Variants in PLXNA4 observed in about 807,000 individuals in gnomAD.
PLXNA4 encodes the protein plexin-A4.
PLXNA4 carries 44 observed loss-of-function variants against 191.8 expected under a neutral mutation model. That is an observed-to-expected ratio of 0.23 (90% CI 0.18 to 0.29). The LOEUF (loss-of-function observed/expected upper bound fraction) is 0.29. Among genes scored for constraint, PLXNA4 ranks in the 10% least tolerant of loss-of-function variants. The probability of loss-of-function intolerance (pLI) is 1.00; values close to 1 mark genes in which losing one functional copy is unlikely to be tolerated. For missense variants in PLXNA4, 1,800 were observed against 2,488.8 expected, an observed-to-expected ratio of 0.72 and a Z score of 5.89; for synonymous variants, 1,082 against 1,009.5, an observed-to-expected ratio of 1.07 and a Z score of -1.36.
chr7:132,263,144 C>T (rs1799714865), intron 4 of PLXNA4, among the ~76,000 whole-genome samples: 1 of 152,144 alleles, frequency 6.6e-6, no homozygotes, highest in Non-Finnish European at 1.5e-5. Context: ...GAGCTTCTCC[C>T]CTGGGTATCC....
intron 1 of PLXNA4, among the ~76,000 whole-genome samples, chr7:132,513,348 A>G (rs1010995338): frequency 1.3e-5 from 2 of 152,250 alleles, no homozygotes; most frequent in African/African-American, 4.8e-5. Context: ...TTTCTTGTTC[A>G]TGACAACCCT....
At chr7:132,547,478 A>G (rs760688165) in intron 1 of PLXNA4, among the ~76,000 whole-genome samples, 10 of 152,160 alleles carry the variant, frequency 6.6e-5, no homozygotes, top group Non-Finnish European at 1.3e-4. Context: ...ATGTGGTTGC[A>G]CCCATTTCTT....
chr7:132,612,430 G>A (rs1293112609), intron 2 of PLXNA4, among the ~76,000 whole-genome samples: 2 of 152,116 alleles, frequency 1.3e-5, no homozygotes, highest in Non-Finnish European at 2.9e-5. Context: ...GGAGACTGAG[G>A]TGGGCAGATC....
intron 3 of PLXNA4, among the ~76,000 whole-genome samples, chr7:132,470,271 C>A (rs28493804): frequency 0.11 from 16,337 of 152,164 alleles, 1,153 homozygotes; most frequent in Admixed American, 0.18. Flanking sequence ...CAAGGGGGGG[C>A]CTGTCCTCAC....
chr7:132,611,384 G>A (rs1803043876), intron 2 of PLXNA4, among the ~76,000 whole-genome samples: 1 of 152,164 alleles, frequency 6.6e-6, no homozygotes, highest in African/African-American at 2.4e-5. Context: ...TCCAGCCTTT[G>A]GCAAACATAT....
intron 27 of PLXNA4, among the ~76,000 whole-genome samples, chr7:132,147,125 C>A (rs1341139058): frequency 2.0e-5 from 3 of 152,202 alleles, no homozygotes. Context: ...TGAGTAATCA[C>A]TGGGTAACCT....
intron 3 of PLXNA4, among the ~76,000 whole-genome samples, chr7:132,335,561 T>C (rs988709887): frequency 1.3e-5 from 2 of 152,200 alleles, no homozygotes; most frequent in Non-Finnish European, 2.9e-5. Flanking sequence ...GCACCGGCCT[T>C]TTTAGCTTTA....
intron 3 of PLXNA4, among the ~76,000 whole-genome samples, chr7:132,474,690 T>C (rs1033772405): frequency 1.3e-5 from 2 of 152,146 alleles, no homozygotes; most frequent in Non-Finnish European, 2.9e-5. Flanking sequence ...GGTTAGTGCA[T>C]CTATTTGGAG....
rs1447115582 is a variant in PLXNA4 at position 132,126,121 on chromosome 7, C to G, written c.*4358G>C. ...GAAGACAGATGGAAATTGAGCTTTT[C>G]TTTTTAGGTCACAGAGGGTGGTGCT... On this transcript the variant is annotated 3_prime_UTR_variant, in exon 32 of 32. Coordinates refer to ENST00000321063, the MANE Select transcript of PLXNA4 (RefSeq NM_020911.2). 6.6e-6 allele frequency: 1 copy of G among 152,368 alleles called. No homozygotes were observed. The highest frequency in any genetic ancestry group is 1.5e-5 in the Non-Finnish European group (1 of 68,226). The allele number at this position is 152,368 out of a possible 1,614,324, so 9.4% of individuals were successfully genotyped here.
intron 4 of PLXNA4, among the ~76,000 whole-genome samples, chr7:132,270,611 T>C (rs779785758): frequency 9.9e-5 from 15 of 152,232 alleles, no homozygotes; most frequent in Non-Finnish European, 2.1e-4. Flanking sequence ...AGTATTTTAA[T>C]TGCAATACCT....
intron 3 of PLXNA4, among the ~76,000 whole-genome samples, chr7:132,365,360 T>TGTGTGTGTGTGTGCGCGCGC: frequency 2.4e-4 from 31 of 128,824 alleles, no homozygotes; most frequent in East Asian, 1.3e-3. Flanking sequence ...TGTGTGTGTG[T>TGTGTGTGTGTGTGCGCGCGC]GCGTGCGCGC....
chr7:132,170,960 G>A (rs1479331910), intron 21 of PLXNA4, among the ~76,000 whole-genome samples: 5 of 152,272 alleles, frequency 3.3e-5, no homozygotes, highest in East Asian at 1.9e-4. Context: ...CCTCACCTCC[G>A]GAGGTGGGAC....
chr7:132,310,972 A>G (rs998423301), intron 3 of PLXNA4, among the ~76,000 whole-genome samples: 1 of 152,174 alleles, frequency 6.6e-6, no homozygotes. Context: ...TTCACTCCTC[A>G]TCCCCTTGGG....
intron 3 of PLXNA4, among the ~76,000 whole-genome samples, chr7:132,310,302 G>A (rs1054389939): frequency 3.3e-5 from 5 of 152,182 alleles, no homozygotes; most frequent in African/African-American, 9.7e-5. Flanking sequence ...TAGTTAATAC[G>A]TAGCCGTGCC....
chr7:132,283,878 T>G (rs747084099), intron 4 of PLXNA4, among the ~76,000 whole-genome samples: 1 of 152,224 alleles, frequency 6.6e-6, no homozygotes, highest in Non-Finnish European at 1.5e-5. Context: ...AGTCAAGATA[T>G]CCACTTAACT....
At chr7:132,586,566 C>T (rs1462796960) in intron 2 of PLXNA4, among the ~76,000 whole-genome samples, 1 of 152,154 alleles carries the variant, frequency 6.6e-6, no homozygotes, top group African/African-American at 2.4e-5. Flanking sequence ...GCCTGGGCAA[C>T]ATGATGAAGC....
At chr7:132,221,732 T>A (rs1798152769) in intron 9 of PLXNA4, among the ~76,000 whole-genome samples, 1 of 152,212 alleles carries the variant, frequency 6.6e-6, no homozygotes, top group Non-Finnish European at 1.5e-5. Context: ...CCTTTCCCTA[T>A]AAAGGGACAA....
chr7:132,249,231 T>C (rs1417454272), intron 4 of PLXNA4, among the ~76,000 whole-genome samples: 1 of 152,266 alleles, frequency 6.6e-6, no homozygotes, highest in South Asian at 2.1e-4. Flanking sequence ...AGTCCTGCTC[T>C]GCCTTAAAGA....
intron 3 of PLXNA4, 36 bp from the exon 4 acceptor site, chr7:132,298,258 G>C (rs1174880521): frequency 6.3e-7 from 1 of 1,587,956 alleles, no homozygotes; most frequent in Non-Finnish European, 8.6e-7. Context: ...AGTGAGTTCA[G>C]ATCCTGCACT....
Sources: allele counts gnomAD v4.1 joint callset (sites outside exome capture counted in the v4.1 genomes callset), GRCh38; gene constraint gnomAD v4.1.1; transcripts MANE v1.5; gene names NCBI Gene and HGNC (gene_info 2026-07-23, HGNC 2026-07-21).